Variants in CCDC40 observed in about 807,000 individuals in gnomAD.
The protein encoded by CCDC40 is coiled-coil domain-containing protein 40.
Under a neutral mutation model 124.5 loss-of-function variants are expected in CCDC40, and 104 were observed. The observed-to-expected ratio is 0.84, with a 90% CI of 0.71 to 0.98. The LOEUF is 0.98. Among genes scored for constraint, CCDC40 ranks in the 50% least tolerant of loss-of-function variants. CCDC40 has a pLI of 0.00. For synonymous variants in CCDC40, 580 were observed against 602.9 expected (o/e 0.96, Z 0.56); for missense variants, 1,463 against 1,503.9 (o/e 0.97, Z 0.45).
chr17:80,081,738 C>A lies in CCDC40; in HGVS notation c.1755C>A (p.Thr585=), dbSNP rs768950130. ...KQVALQSQFN[T]YRLTLQDTED... ...TGGCCCTGCAGAGCCAGTTCAATAC[C>A]TACAGGCTCACCCTGCAGGACACAG... Residue 585 remains threonine (T), a synonymous_variant, in exon 11 of 20, where the codon ACC becomes ACA. Transcript: ENST00000397545. 1.4e-5 allele frequency: 22 copies of A among 1,614,138 alleles called. 1 individual carries two copies. The South Asian group carries it at 2.4e-4, about 18-fold the overall frequency.
chr17:80,050,377 G>T, intron 7 of CCDC40, 94 bp downstream of exon 7: 1 of 986,912 alleles, frequency 1.0e-6, no homozygotes, highest in South Asian at 1.4e-5. Flanking sequence ...AGAAAAGTAA[G>T]ATGTGTGTGC....
At chr17:80,090,540 AC>A in intron 17 of CCDC40, 7 of 1,517,378 alleles carry the variant, frequency 4.6e-6, no homozygotes, top group Non-Finnish European at 6.2e-6. Context: ...TAATCACAGC[AC>A]GCTGGTATTT....
At position 80,090,271 on chromosome 17, in the gene CCDC40, G is replaced by A. The variant is rs1567813589; in HGVS notation, c.2832+387G>A. The A allele has an allele frequency of 9.5e-6, 11 of 1,155,054 alleles. 1 individual carries two copies. The highest frequency in any genetic ancestry group is 6.9e-5 in the South Asian group (4 of 58,016). The allele number at this position is 1,155,054 out of a possible 1,614,324, so 71.6% of individuals were successfully genotyped here. A position where few individuals can be genotyped will look rare whatever the true frequency, so the allele number is the denominator to read the frequency against. On this transcript the variant is annotated intron_variant, in intron 17 of 19. Transcript: ENST00000397545. ...AACAACACGGGACGCGCGCGGGCAC[G>A]TGCACGAACAACACGGGACGCGCGC...
chr17:80,047,375 C>T lies in CCDC40; in HGVS notation c.649C>T (p.Leu217=). The change falls in exon 4 of 20, where the codon CTG becomes TTG. Residue 217 remains leucine (L), a synonymous_variant. Transcript: ENST00000397545. ...SHGSDIESSD[L]EEFVSQEPVI... is the part of the protein sequence containing the mutation. The stretch of plus-strand genomic sequence containing the variant: ...CGGGAGCGACATCGAGTCCTCAGAC[C>T]TGGAGGAGTTCGTCTCGCAGGAGCC... 1 of 1,613,522 alleles carries T rather than the reference C, an allele frequency of 6.2e-7. No homozygotes were observed.
chr17:80,071,932 G>T (rs2143705876), intron 10 of CCDC40, among the ~76,000 whole-genome samples: 1 of 151,122 alleles, frequency 6.6e-6, no homozygotes, highest in South Asian at 2.1e-4. Flanking sequence ...CACCTCCTGG[G>T]TTCAAGTGAT....
chr17:80,050,852 C>T (rs2037566810), intron 7 of CCDC40, among the ~76,000 whole-genome samples: 1 of 152,170 alleles, frequency 6.6e-6, no homozygotes, highest in African/African-American at 2.4e-5. Flanking sequence ...CTGCAGAGGT[C>T]CCAGGATAGA....
intron 3 of CCDC40, among the ~76,000 whole-genome samples, chr17:80,041,536 C>T (rs2037283477): frequency 6.6e-6 from 1 of 152,072 alleles, no homozygotes; most frequent in Non-Finnish European, 1.5e-5. Context: ...TGGAAATTGC[C>T]TTGCTCCATT....
At position 80,059,538 on chromosome 17, in the gene CCDC40, G is replaced by A. The variant is rs534890597; in HGVS notation, c.1440+558G>A. Among the ~76,000 whole-genome samples, 145 of 148,806 alleles carry A rather than the reference G, an allele frequency of 9.7e-4. 2 individuals are homozygous for A. Among genetic ancestry groups the A allele is most frequent in the Middle Eastern group, 3.5e-3 (1 of 284 alleles). On this transcript the variant is annotated intron_variant, in intron 9 of 19. Coordinates refer to ENST00000397545, the MANE Select transcript of CCDC40 (RefSeq NM_017950.4). ...AGTCACCATCTTCATTCACGGGTGC[G>A]GGAATGACACGGAGGAAACAATTAA...
intron 10 of CCDC40, 25 bp downstream of exon 10, chr17:80,065,631 G>A (rs1200141373): frequency 1.2e-6 from 2 of 1,610,862 alleles, no homozygotes; most frequent in Non-Finnish European, 1.7e-6. Context: ...CAGGCAGCGA[G>A]GATGTGCGGG....
At chr17:80,090,619 A>T (rs965158959) in intron 17 of CCDC40, 35 of 1,468,354 alleles carry the variant, frequency 2.4e-5, no homozygotes, top group Non-Finnish European at 2.9e-5. Flanking sequence ...ACAGTCTCAC[A>T]CCACAGAAGG....
chr17:80,091,546 T>TTC (rs1427322793), intron 17 of CCDC40, among the ~76,000 whole-genome samples: 1 of 3,824 alleles, frequency 2.6e-4, no homozygotes, highest in African/African-American at 2.4e-3. Flanking sequence ...CACCACCTTC[T>TTC]TCTGCCTTTT....
At position 80,065,038 on chromosome 17, in the gene CCDC40, C is replaced by T. The variant is rs192262649; in HGVS notation, c.1441-447C>T. Among the ~76,000 whole-genome samples the T allele has an allele frequency of 1.6e-3, 232 of 145,528 alleles. 3 individuals carry two copies. Among genetic ancestry groups the T allele is most frequent in the Non-Finnish European group, 2.1e-3 (139 of 65,580 alleles). On this transcript the variant is annotated intron_variant, in intron 9 of 19. Coordinates refer to ENST00000397545, the MANE Select transcript of CCDC40 (RefSeq NM_017950.4). ...CCCTCCTCCTCTCCCTCTTCCTCTC[C>T]GTCTTCCCCCTCCCCCTCCTCCCTC... is the stretch of plus-strand genomic sequence containing the variant.
At chr17:80,055,980 T>TCATA (rs2143637564) in intron 7 of CCDC40, among the ~76,000 whole-genome samples, 1 of 63,134 alleles carries the variant, frequency 1.6e-5, no homozygotes, top group African/African-American at 5.7e-5. Flanking sequence ...TGGCTAATTT[T>TCATA]CATATATATA....
chr17:80,089,987 G>A, intron 17 of CCDC40, 103 bp downstream of exon 17: 2 of 1,549,620 alleles, frequency 1.3e-6, no homozygotes, highest in South Asian at 1.2e-5. Flanking sequence ...GCTCCTGTGG[G>A]AACCACACTG....
intron 3 of CCDC40, 72 bp from the exon 4 acceptor site, chr17:80,047,207 T>C: frequency 6.6e-7 from 1 of 1,503,822 alleles, no homozygotes; most frequent in Non-Finnish European, 9.2e-7. Context: ...ACAAATGTAA[T>C]GAGTTAAAAT....
intron 7 of CCDC40, among the ~76,000 whole-genome samples, chr17:80,052,821 G>A (rs2037635885): frequency 6.6e-6 from 1 of 150,878 alleles, no homozygotes; most frequent in Admixed American, 6.6e-5. Flanking sequence ...GTGCAGAGGC[G>A]CCAACTGGTA....
At chr17:80,091,379 T>C (rs996272079) in intron 17 of CCDC40, among the ~76,000 whole-genome samples, 4 of 150,990 alleles carry the variant, frequency 2.6e-5, no homozygotes. Flanking sequence ...AGATTTACTA[T>C]GAGAATTGGC....
In CCDC40 at chr17:80,087,770, G is replaced by A. The variant is rs775128843; in HGVS notation, c.2613G>A (p.Ser871=). ...NRVTENEFVR[S]LKASERETIK... ...TGACAGAGAATGAGTTCGTGCGCTC[G>A]CTGAAGGTCCGGCCGTGTCCACGCA... Residue 871 remains serine (S), a synonymous_variant, in exon 15 of 20, where the codon TCG becomes TCA. Coordinates refer to ENST00000397545, the MANE Select transcript of CCDC40 (RefSeq NM_017950.4). This position sits in a 1 kb window ranked among gnomAD's most constrained non-coding sequence, Gnocchi z 4.5. 6.8e-6 allele frequency: 11 copies of A among 1,613,918 alleles called. No individual in the cohort carries two copies. The highest frequency in any genetic ancestry group is 2.7e-5 in the African/African-American group (2 of 74,926).
At chr17:80,085,117 C>A (rs895987324) in intron 13 of CCDC40, 129 bp downstream of exon 13, 2 of 1,223,198 alleles carry the variant, frequency 1.6e-6, no homozygotes, top group Admixed American at 4.1e-5. Flanking sequence ...TCCCTACCTG[C>A]TTTACAGACA....
Sources: gnomAD v4.1 joint callset for allele counts (sites outside exome capture counted in the v4.1 genomes callset) on GRCh38, gnomAD v4.1.1 for gene constraint, Gnocchi (gnomAD v3.1) non-coding constraint, MANE v1.5 for transcripts, NCBI Gene and HGNC (gene_info 2026-07-23, HGNC 2026-07-21) for gene names.